The following TYR variants were observed in gnomAD, a reference collection of about 807,000 sequenced individuals.
TYR encodes tyrosinase.
In TYR, 58 loss-of-function variants were observed where a neutral mutation model predicts 51.5. That is an observed-to-expected ratio of 1.13 (90% CI 0.91 to 1.40). TYR has a LOEUF of 1.40. Ranked by LOEUF, TYR falls within the 40% of genes most tolerant of loss-of-function variation. The pLI is 0.00. For synonymous variants in TYR, 263 were observed against 235.2 expected (o/e 1.12, Z -1.08); for missense variants, 732 against 647.4 (o/e 1.13, Z -1.42).
rs1338299396 is a variant in TYR at position 89,232,608 on chromosome 11, G to C, written c.1184+4638G>C. Among the ~76,000 whole-genome samples the C allele has an allele frequency of 2.1e-5, 3 of 141,558 alleles. 1 individual carries two copies. Among genetic ancestry groups the C allele is most frequent in the Non-Finnish European group, 4.5e-5 (3 of 66,348 alleles). The allele number at this position is 141,558 out of a possible 152,430, so 92.9% of individuals were successfully genotyped here. A position where few individuals can be genotyped will look rare whatever the true frequency, so the allele number is the denominator to read the frequency against. ...CTACCTAATGTATAAGGTATACTAT[G>C]TTCATAACCTCGATGATGGGTTCAA... On this transcript the variant is annotated intron_variant, in intron 3 of 4. Coordinates refer to ENST00000263321, the MANE Select transcript of TYR (RefSeq NM_000372.5).
At chr11:89,184,238 AG>A (rs1226437134) in intron 1 of TYR, among the ~76,000 whole-genome samples, 1 of 151,514 alleles carries the variant, frequency 6.6e-6, no homozygotes, top group East Asian at 1.9e-4. Flanking sequence ...TTGGCATTTC[AG>A]CAAAAATAGT....
intron 3 of TYR, 137 bp downstream of exon 3, chr11:89,228,107 C>A: frequency 9.8e-7 from 1 of 1,024,884 alleles, no homozygotes; most frequent in Non-Finnish European, 1.5e-6. Flanking sequence ...GTCACCAAAA[C>A]AGACCTTAGG....
chr11:89,212,685 C>T (rs1943775871), intron 2 of TYR, among the ~76,000 whole-genome samples: 1 of 152,110 alleles, frequency 6.6e-6, no homozygotes, highest in African/African-American at 2.4e-5. Context: ...TGCGAAAATC[C>T]TCAATAAAAT....
rs201825998 is a variant in TYR at position 89,251,021 on chromosome 11, AT to A, written c.1184+23059del. Among the ~76,000 whole-genome samples, 10 of 151,936 alleles carry A rather than the reference AT, an allele frequency of 6.6e-5. No homozygotes were observed. The East Asian group carries it at 1.9e-3, about 29-fold the overall frequency. The stretch of plus-strand genomic sequence containing the variant: ...AGAATTAAGAAAATAGTATTTTAGA[AT>A]TTTTTTTATTTTAAGATACAGGTGA... On this transcript the variant is annotated intron_variant, in intron 3 of 4. Coordinates refer to ENST00000263321, the MANE Select transcript of TYR (RefSeq NM_000372.5).
intron 3 of TYR, among the ~76,000 whole-genome samples, chr11:89,270,305 G>T (rs1436995391): frequency 6.6e-6 from 1 of 151,586 alleles, no homozygotes; most frequent in East Asian, 2.0e-4. Flanking sequence ...TAAAACTTAA[G>T]TTCAAGTGTC....
intron 2 of TYR, among the ~76,000 whole-genome samples, chr11:89,215,150 T>A (rs1035620725): frequency 6.6e-6 from 1 of 152,164 alleles, no homozygotes; most frequent in Non-Finnish European, 1.5e-5. Flanking sequence ...AGTTAAGCAC[T>A]ATGATGTGAT....
intron 3 of TYR, among the ~76,000 whole-genome samples, chr11:89,280,890 T>A (rs1485121391): frequency 6.6e-6 from 1 of 151,714 alleles, no homozygotes; most frequent in African/African-American, 2.4e-5. Flanking sequence ...GCCTCAAGTT[T>A]CTCTAGTGTA....
rs1943462000 is a variant in TYR at position 89,192,705 on chromosome 11, T to C, written c.1036+1287T>C. ...ATGAAAATAGAAATTAGGTTTATTC[T>C]TCTATGGTAATATTCATGATTAACT... On this transcript the variant is annotated intron_variant, in intron 2 of 4. Coordinates refer to ENST00000263321, the MANE Select transcript of TYR (RefSeq NM_000372.5). Among the ~76,000 whole-genome samples, 2 of 152,192 alleles carry C rather than the reference T, an allele frequency of 1.3e-5. 1 individual carries two copies. Among genetic ancestry groups the C allele is most frequent in the South Asian group, 4.1e-4 (2 of 4,830 alleles).
chr11:89,182,927 C>T (rs1479934030), intron 1 of TYR, among the ~76,000 whole-genome samples: 4 of 151,984 alleles, frequency 2.6e-5, no homozygotes, highest in Admixed American at 1.3e-4. Flanking sequence ...GGAATTCACT[C>T]ATCAGGTGAA....
chr11:89,197,237 C>G (rs1943532141), intron 2 of TYR, among the ~76,000 whole-genome samples: 1 of 152,002 alleles, frequency 6.6e-6, no homozygotes, highest in Admixed American at 6.6e-5. Flanking sequence ...TGGGAAATAA[C>G]AAGAGATGTA....
chr11:89,294,599 G>C (rs1466251146), intron 4 of TYR, among the ~76,000 whole-genome samples: 1 of 152,222 alleles, frequency 6.6e-6, no homozygotes, highest in African/African-American at 2.4e-5. Flanking sequence ...CCTTAGGACA[G>C]AGGGACGGTG....
intron 4 of TYR, 49 bp from the exon 5 acceptor site, chr11:89,295,094 G>GT: frequency 6.2e-7 from 1 of 1,603,454 alleles, no homozygotes; most frequent in East Asian, 2.2e-5. Context: ...GATGGTGATC[G>GT]TAACAATGGT....
intron 3 of TYR, among the ~76,000 whole-genome samples, chr11:89,244,591 G>A (rs1944240166): frequency 6.6e-6 from 1 of 152,156 alleles, no homozygotes; most frequent in South Asian, 2.1e-4. Context: ...AAGCTTTTAT[G>A]TGCATAGCCT....
At chr11:89,262,847 C>CAAAAAAAAAAAAAAA (rs771958187) in intron 3 of TYR, among the ~76,000 whole-genome samples, 18 of 19,286 alleles carry the variant, frequency 9.3e-4, no homozygotes, top group East Asian at 1.9e-3. Flanking sequence ...GCTACTCATC[C>CAAAAAAAAAAAAAAA]AAAAAAAAAA....
At chr11:89,236,897 C>T (rs563035674) in intron 3 of TYR, among the ~76,000 whole-genome samples, 4 of 152,278 alleles carry the variant, frequency 2.6e-5, no homozygotes, top group Admixed American at 2.0e-4. Flanking sequence ...TCATGTCTGT[C>T]TATAACTATC....
intron 3 of TYR, among the ~76,000 whole-genome samples, chr11:89,257,010 A>G (rs1282289001): frequency 6.6e-6 from 1 of 151,948 alleles, no homozygotes; most frequent in Non-Finnish European, 1.5e-5. Flanking sequence ...GAGGAATGAT[A>G]ATGCTGATTC....
At chr11:89,183,065 T>G (rs1202526170) in intron 1 of TYR, among the ~76,000 whole-genome samples, 1 of 152,120 alleles carries the variant, frequency 6.6e-6, no homozygotes, top group African/African-American at 2.4e-5. Context: ...GAAAAAGATT[T>G]TGTGGAATGT....
intron 1 of TYR, 85 bp from the exon 2 acceptor site, chr11:89,191,117 A>G (rs758985270): frequency 7.9e-5 from 96 of 1,218,450 alleles, no homozygotes; most frequent in Non-Finnish European, 1.1e-4. Context: ...TCTAACAACG[A>G]TAATTAGGAG....
intron 2 of TYR, among the ~76,000 whole-genome samples, chr11:89,226,179 T>C (rs1316441640): frequency 6.6e-6 from 1 of 152,094 alleles, no homozygotes; most frequent in Non-Finnish European, 1.5e-5. Flanking sequence ...ACATGATTTA[T>C]TGCTACATAG....
Sources: gnomAD v4.1 joint callset for allele counts (sites outside exome capture counted in the v4.1 genomes callset) on GRCh38, gnomAD v4.1.1 for gene constraint, MANE v1.5 for transcripts, NCBI Gene and HGNC (gene_info 2026-07-23, HGNC 2026-07-21) for gene names.